Variants in TLE2 observed in about 807,000 individuals in gnomAD.
TLE2 encodes transducin-like enhancer protein 2.
In TLE2, 74 loss-of-function variants were observed where a neutral mutation model predicts 97.2. The observed-to-expected ratio is 0.76, with a 90% CI of 0.63 to 0.92. TLE2 has a LOEUF of 0.92. Ranked by LOEUF, TLE2 falls within the 40% of genes least tolerant of loss-of-function variation. The pLI is 0.00. For synonymous variants in TLE2, 499 were observed against 432.1 expected (o/e 1.15, Z -1.92); for missense variants, 1,038 against 1,008.7 (o/e 1.03, Z -0.39).
At chr19:3,011,284 T>G (rs554137266) in intron 11 of TLE2, 124 bp from the exon 12 acceptor site, 4 of 1,109,020 alleles carry the variant, frequency 3.6e-6, no homozygotes, top group Middle Eastern at 2.9e-4. Context: ...TCCCAGCACT[T>G]TGGGAGGCCC....
upstream of TLE2, among the ~76,000 whole-genome samples, chr19:3,033,316 C>T (rs532454980): frequency 6.6e-6 from 1 of 152,156 alleles, no homozygotes; most frequent in South Asian, 2.1e-4. Flanking sequence ...TACAGGCGCC[C>T]ACCACCACGC....
Position 3,029,033 on chromosome 19 carries a change from C to CG in TLE2, c.-130dup. On this transcript the variant is annotated 5_prime_UTR_variant, in exon 1 of 20. Transcript: ENST00000262953. ...AAAGAGGGAGGAGGGAGAAGCGGCG[C>CG]GGGGCAAGGGACCCTGGAGTCCCTG... 1 of 1,482,394 alleles carries CG rather than the reference C, an allele frequency of 6.7e-7. No individual in the cohort carries two copies. Among genetic ancestry groups the CG allele is most frequent in the Non-Finnish European group, 9.0e-7 (1 of 1,116,952 alleles). The allele number at this position is 1,482,394 out of a possible 1,614,324, so 91.8% of individuals were successfully genotyped here.
chr19:3,006,810 T>G, intron 14 of TLE2, 141 bp from the exon 15 acceptor site: 10 of 1,238,176 alleles, frequency 8.1e-6, no homozygotes, highest in South Asian at 1.6e-5. Context: ...TGAGAGGGAG[T>G]CTCGCCGTGT....
At chr19:3,022,231 A>T (rs547281678) in intron 5 of TLE2, among the ~76,000 whole-genome samples, 17 of 151,916 alleles carry the variant, frequency 1.1e-4, no homozygotes, top group East Asian at 1.9e-4. Context: ...GTAAAAAAAA[A>T]TTTTTTTAGG....
intron 1 of TLE2, among the ~76,000 whole-genome samples, chr19:3,034,862 A>T (rs2090050906): frequency 6.6e-6 from 1 of 152,146 alleles, no homozygotes; most frequent in South Asian, 2.1e-4. Context: ...ACAGAGGTAC[A>T]GGGACACGTA....
At chr19:3,027,088 C>G (rs1230394351) in intron 4 of TLE2, among the ~76,000 whole-genome samples, 1 of 152,146 alleles carries the variant, frequency 6.6e-6, no homozygotes, top group Admixed American at 6.5e-5. Context: ...TATCTCAGAA[C>G]ACTGAGGTCA....
At position 3,002,354 on chromosome 19, in the gene TLE2, G is replaced by A. The variant is rs202082670; in HGVS notation, c.2046C>T (p.Cys682=). 65 of 1,610,484 alleles carry A rather than the reference G, an allele frequency of 4.0e-5. No homozygotes were observed. Among genetic ancestry groups the A allele is most frequent in the East Asian group, 2.0e-4 (9 of 44,704 alleles). ...GCCACCCCGCCCCAGAAGACACACCGCAGGAGGCAAACTTCAGGGACAGCA... is the reference window on the plus strand; with the variant it reads ...GCCACCCCGCCCCAGAAGACACACCACAGGAGGCAAACTTCAGGGACAGCA... ...SCVLSLKFAS[C]GRWFVSTGKD... The change falls in exon 18 of 20, where the codon TGC becomes TGT. Residue 682 remains cysteine (C), a splice_region_variant and synonymous_variant. Transcript: ENST00000262953.
intron 17 of TLE2, among the ~76,000 whole-genome samples, chr19:3,003,650 C>CA (rs199649418): frequency 0.041 from 5,746 of 140,212 alleles, 361 homozygotes; most frequent in African/African-American, 0.14. Flanking sequence ...AAACAAAAAA[C>CA]AAAAAAAATA....
chr19:3,005,212 A>G (rs573720141), intron 17 of TLE2, among the ~76,000 whole-genome samples: 1 of 152,144 alleles, frequency 6.6e-6, no homozygotes, highest in African/African-American at 2.4e-5. Flanking sequence ...TGGGGGTCTC[A>G]GTAGCCCCAC....
intron 4 of TLE2, among the ~76,000 whole-genome samples, chr19:3,026,403 A>G (rs13343466): frequency 0.14 from 20,736 of 150,734 alleles, 2,196 homozygotes; most frequent in African/African-American, 0.3. Flanking sequence ...AGCCAAGATC[A>G]GGTCATTGCA....
At chr19:3,015,157 A>T (rs2089676221) in intron 9 of TLE2, among the ~76,000 whole-genome samples, 1 of 150,278 alleles carries the variant, frequency 6.7e-6, no homozygotes, top group African/African-American at 2.4e-5. Context: ...GTCTCCGGGG[A>T]TCAAGTTGCA....
chr19:3,027,629 G>T (rs1418523650), intron 4 of TLE2, among the ~76,000 whole-genome samples, 200 bp downstream of exon 4: 1 of 152,114 alleles, frequency 6.6e-6, no homozygotes, highest in African/African-American at 2.4e-5. Context: ...TCTTCAGAAG[G>T]TGGGACTCAT....
At chr19:3,021,682 A>C (rs2089847081) in intron 5 of TLE2, among the ~76,000 whole-genome samples, 1 of 151,872 alleles carries the variant, frequency 6.6e-6, no homozygotes, top group Non-Finnish European at 1.5e-5. Flanking sequence ...TCCCAGGTTC[A>C]AACAATTCTC....
Position 2,998,311 on chromosome 19 carries a change from T to G in TLE2, c.2125-356A>C, listed in dbSNP as rs1417303069. 4.1e-5 allele frequency among the ~76,000 whole-genome samples: 6 copies of G among 146,860 alleles called. No homozygotes were observed. In the East Asian group the frequency reaches 1.2e-3, roughly 30 times the overall value. ...TTTTTTTTGTGAGACAGGGTCTAACTCTGTTGCCCAGGCTAGAGTGCAATG... is the reference window on the plus strand; with the variant it reads ...TTTTTTTTGTGAGACAGGGTCTAACGCTGTTGCCCAGGCTAGAGTGCAATG... On this transcript the variant is annotated intron_variant, in intron 19 of 19. Coordinates refer to ENST00000262953, the MANE Select transcript of TLE2 (RefSeq NM_003260.5).
In TLE2 at chr19:3,009,541, C is replaced by G; in HGVS notation, c.1173+1G>C. 6.2e-7 allele frequency: 1 copy of G among 1,604,742 alleles called. No homozygotes were observed. The highest frequency in any genetic ancestry group is 8.5e-7 in the Non-Finnish European group (1 of 1,175,734). On this transcript the variant is annotated splice_donor_variant, in intron 13 of 19. Coordinates refer to ENST00000262953, the MANE Select transcript of TLE2 (RefSeq NM_003260.5). LOFTEE classifies it high-confidence loss of function. ...TCCTGCGCCCCCACCCAAGGACTCA[C>G]CACGGGGGAGCGTCCGTACACCACA... is the stretch of plus-strand genomic sequence containing the variant.
chr19:3,025,338 G>A, intron 4 of TLE2: 1 of 1,264,738 alleles, frequency 7.9e-7, no homozygotes, highest in Non-Finnish European at 1.0e-6. Flanking sequence ...ACGAGTCACA[G>A]ATACACCACC....
At chr19:3,003,570 G>A (rs1456434884) in intron 17 of TLE2, among the ~76,000 whole-genome samples, 6 of 151,936 alleles carry the variant, frequency 3.9e-5, no homozygotes, top group African/African-American at 1.4e-4. Context: ...CTTGGGAGGT[G>A]GAGGTTGCAG....
At chr19:3,045,808 C>G (rs1568258483), upstream of TLE2, 1 of 406,538 alleles carries the variant, frequency 2.5e-6, no homozygotes, top group Non-Finnish European at 5.1e-6. Context: ...GCCTGGGCAA[C>G]AAGAGTGAAA....
At chr19:3,020,755 T>G (rs879845957) in intron 5 of TLE2, among the ~76,000 whole-genome samples, 1 of 152,136 alleles carries the variant, frequency 6.6e-6, no homozygotes, top group South Asian at 2.1e-4. Context: ...CGGCAGCATA[T>G]TCAGCTTTCA....
Sources: gnomAD v4.1 joint callset for allele counts (sites outside exome capture counted in the v4.1 genomes callset) on GRCh38, gnomAD v4.1.1 for gene constraint, MANE v1.5 for transcripts, NCBI Gene and HGNC (gene_info 2026-07-23, HGNC 2026-07-21) for gene names.